The following DDC variants were observed in gnomAD, a reference collection of about 807,000 sequenced individuals.
The protein encoded by DDC is dopa decarboxylase.
DDC carries 43 observed loss-of-function variants against 60.0 expected under a neutral mutation model. The observed-to-expected ratio is 0.72, with a 90% CI of 0.56 to 0.92. DDC has a LOEUF of 0.92. Ranked by LOEUF, DDC falls within the 40% of genes least tolerant of loss-of-function variation. The pLI is 0.00. For missense variants in DDC, 573 were observed against 620.2 expected (o/e 0.92, Z 0.81); for synonymous variants, 232 against 234.6 (o/e 0.99, Z 0.10).
intron 1 of DDC, among the ~76,000 whole-genome samples, chr7:50,558,041 T>C (rs57835901): frequency 1.3e-5 from 2 of 152,080 alleles, no homozygotes; most frequent in African/African-American, 4.8e-5. Context: ...TTTCATTTTA[T>C]TGAAGAGTTA....
At chr7:50,505,066 G>A (rs4948225) in intron 6 of DDC, among the ~76,000 whole-genome samples, 149,903 of 152,334 alleles carry the variant, frequency 0.98, 73,788 homozygotes, top group South Asian at 1. Flanking sequence ...AATACGGGCT[G>A]GGAGTCACTG....
chr7:50,562,046 G>A (rs1164971466), intron 1 of DDC, among the ~76,000 whole-genome samples: 1 of 152,150 alleles, frequency 6.6e-6, no homozygotes, highest in Non-Finnish European at 1.5e-5. Context: ...AGGGCTTGTG[G>A]CACAGTCCAG....
At chr7:50,520,000 C>T (rs747299962) in intron 6 of DDC, among the ~76,000 whole-genome samples, 9 of 152,052 alleles carry the variant, frequency 5.9e-5, no homozygotes, top group Middle Eastern at 3.4e-3. Flanking sequence ...TGAAGATGGG[C>T]GAGAATCTAC....
At chr7:50,532,377 A>G (rs1585243689) in intron 4 of DDC, among the ~76,000 whole-genome samples, 1 of 152,242 alleles carries the variant, frequency 6.6e-6, no homozygotes, top group Admixed American at 6.5e-5. Flanking sequence ...TGGTCTCTCA[A>G]AAATGAGGTT....
chr7:50,460,859 G>A (rs993010960), intron 14 of DDC, among the ~76,000 whole-genome samples: 17 of 151,418 alleles, frequency 1.1e-4, no homozygotes, highest in African/African-American at 9.7e-5. Context: ...CAGCATGCTC[G>A]TTAAGAGTCA....
chr7:50,529,142 G>GA, intron 5 of DDC, 66 bp downstream of exon 5: 1 of 1,601,300 alleles, frequency 6.2e-7, no homozygotes, highest in East Asian at 2.2e-5. Flanking sequence ...GGTTTGGTTT[G>GA]AATTTGACAT....
intron 4 of DDC, among the ~76,000 whole-genome samples, chr7:50,532,398 A>G (rs1442217733): frequency 6.6e-6 from 1 of 152,248 alleles, no homozygotes; most frequent in East Asian, 1.9e-4. Flanking sequence ...GTCTTTAATG[A>G]AACGAAAATG....
chr7:50,542,209 A>G (rs1443739921), intron 2 of DDC: 4 of 152,230 alleles, frequency 2.6e-5, no homozygotes, highest in Admixed American at 6.5e-5. Context: ...TCTTTATGCC[A>G]ATGCATTTGT....
At chr7:50,492,999 T>A in intron 9 of DDC, 1 of 1,598,006 alleles carries the variant, frequency 6.3e-7, no homozygotes, top group African/African-American at 1.3e-5. Context: ...GCACTGGTTG[T>A]CTGGACCTGA....
At chr7:50,562,000 A>T (rs2045351300) in intron 1 of DDC, among the ~76,000 whole-genome samples, 1 of 152,134 alleles carries the variant, frequency 6.6e-6, no homozygotes, top group Non-Finnish European at 1.5e-5. Context: ...CACATACCTA[A>T]GTGCATGCAT....
chr7:50,531,614 GAAA>G (rs2044211835), intron 4 of DDC: 1 of 152,010 alleles, frequency 6.6e-6, no homozygotes, highest in Non-Finnish European at 1.5e-5. Context: ...TGTCCTAAGA[GAAA>G]ATTCACCTTC....
At chr7:50,551,229 C>CTTTTTTT (rs58446864) in intron 1 of DDC, among the ~76,000 whole-genome samples, 1 of 133,028 alleles carries the variant, frequency 7.5e-6, no homozygotes, top group Non-Finnish European at 1.6e-5. Context: ...TTCCGTTGTA[C>CTTTTTTT]TTTTTTTTTT....
intron 8 of DDC, among the ~76,000 whole-genome samples, chr7:50,496,524 A>G (rs1205761387): frequency 6.6e-6 from 1 of 152,134 alleles, no homozygotes; most frequent in Non-Finnish European, 1.5e-5. Flanking sequence ...ATTTTCAAGG[A>G]GAAAATAAGA....
intron 1 of DDC, among the ~76,000 whole-genome samples, chr7:50,562,001 G>GTGCA (rs1276957397): frequency 6.6e-6 from 1 of 152,064 alleles, no homozygotes; most frequent in Non-Finnish European, 1.5e-5. Context: ...ACATACCTAA[G>GTGCA]TGCATGCATA....
intron 9 of DDC, among the ~76,000 whole-genome samples, chr7:50,481,789 A>C (rs2042774974): frequency 1.3e-5 from 2 of 152,206 alleles, no homozygotes; most frequent in Admixed American, 6.5e-5. Flanking sequence ...GCACACTGCT[A>C]AACATACTGT....
In DDC at chr7:50,505,243, C is replaced by T. The variant is rs181604280; in HGVS notation, c.715-1184G>A. ...TGTTGGGCTGAGCATTTGCACTTTG[C>T]TGGACATTGCATAGATGCTGAAACC... On this transcript the variant is annotated intron_variant, in intron 6 of 14. Transcript: ENST00000444124. Among the ~76,000 whole-genome samples the T allele has an allele frequency of 1.6e-3, 248 of 152,354 alleles. 1 individual carries two copies. Among genetic ancestry groups the T allele is most frequent in the Non-Finnish European group, 2.7e-3 (185 of 68,030 alleles).
rs11575309 is a variant in DDC at position 50,539,655 on chromosome 7, A to T, written c.315+260T>A. ...CAGAAACTCTGGGCCCCAGACCATGATGTTAGTTCATACCAAGTGCTTCCA... is the reference window on the plus strand; with the variant it reads ...CAGAAACTCTGGGCCCCAGACCATGTTGTTAGTTCATACCAAGTGCTTCCA... On this transcript the variant is annotated intron_variant, in intron 3 of 14. Coordinates refer to ENST00000444124, the MANE Select transcript of DDC (RefSeq NM_001082971.2). 0.023 allele frequency among the ~76,000 whole-genome samples: 3,477 copies of T among 152,284 alleles called. 60 individuals are homozygous for T. Among genetic ancestry groups the T allele is most frequent in the Non-Finnish European group, 0.035 (2,377 of 68,036 alleles).
At chr7:50,558,260 A>G (rs749153872) in intron 1 of DDC, among the ~76,000 whole-genome samples, 12 of 152,184 alleles carry the variant, frequency 7.9e-5, no homozygotes, top group Non-Finnish European at 1.5e-4. Context: ...AGTGCCCATG[A>G]CATGTCCTGG....
At chr7:50,563,573 C>T (rs1210571576) in intron 1 of DDC, among the ~76,000 whole-genome samples, 2 of 152,056 alleles carry the variant, frequency 1.3e-5, no homozygotes, top group African/African-American at 4.8e-5. Flanking sequence ...ATATTCTTGG[C>T]AGAGTAAAAC....
Sources: gnomAD v4.1 joint callset for allele counts (sites outside exome capture counted in the v4.1 genomes callset) on GRCh38, gnomAD v4.1.1 for gene constraint, MANE v1.5 for transcripts, NCBI Gene and HGNC (gene_info 2026-07-23, HGNC 2026-07-21) for gene names.